The following CFAP54 variants were observed in gnomAD, a reference collection of about 807,000 sequenced individuals.
CFAP54 encodes the protein cilia and flagella associated protein 54, also known as cilia- and flagella-associated protein 54.
A neutral mutation model predicts 370.4 loss-of-function variants in CFAP54; 290 were observed. The observed-to-expected ratio is 0.78, with a 90% CI of 0.71 to 0.86. CFAP54 has a LOEUF of 0.86. Among genes scored for constraint, CFAP54 ranks in the 40% least tolerant of loss-of-function variants. CFAP54 has a pLI of 0.00. For missense variants in CFAP54, 3,399 were observed against 3,528.7 expected, an observed-to-expected ratio of 0.96 and a Z score of 0.93; for synonymous variants, 1,206 against 1,236.5, an observed-to-expected ratio of 0.98 and a Z score of 0.52.
At chr12:96,617,097 C>A (rs887658633) in intron 26 of CFAP54, among the ~76,000 whole-genome samples, 1 of 152,164 alleles carries the variant, frequency 6.6e-6, no homozygotes, top group South Asian at 2.1e-4. Flanking sequence ...TAATATTCAG[C>A]TACCTGGTCT....
chr12:96,534,207 T>TA lies in CFAP54; in HGVS notation c.1693dup (p.Ile565AsnfsTer5), dbSNP rs746202185. The TA allele has an allele frequency of 1.8e-5, 26 of 1,460,524 alleles. No individual in the cohort carries two copies. The highest frequency in any genetic ancestry group is 2.8e-5 in the African/African-American group (2 of 70,236). 90.5% of individuals were successfully genotyped at this position (1,460,524 alleles called of 1,614,324 possible). The stretch of plus-strand genomic sequence containing the variant: ...GAAGGACAGTCAACTCAAATTTATT[T>TA]AAAAAAAATTGCTGTTCATGGTAAG... On this transcript the variant is annotated frameshift_variant, in exon 11 of 68. Transcript: ENST00000524981. LOFTEE classifies it high-confidence loss of function.
chr12:96,699,135 A>G (rs975732832), intron 45 of CFAP54, among the ~76,000 whole-genome samples: 7 of 152,174 alleles, frequency 4.6e-5, no homozygotes, highest in African/African-American at 9.7e-5. Flanking sequence ...AAGGCAACCA[A>G]TCAGAGGCTA....
chr12:96,570,180 C>T (rs891548169), intron 19 of CFAP54, among the ~76,000 whole-genome samples: 11 of 151,996 alleles, frequency 7.2e-5, no homozygotes, highest in Admixed American at 4.6e-4. Flanking sequence ...TGTCATGTTG[C>T]CCAGCATGGT....
At chr12:96,538,352 C>CT (rs769290413) in intron 12 of CFAP54, 32 bp from the exon 13 acceptor site, 1 of 1,495,258 alleles carries the variant, frequency 6.7e-7, no homozygotes, top group South Asian at 1.2e-5. Context: ...TTTATTATTC[C>CT]TACTCATTTA....
chr12:96,615,683 C>G (rs1278044584), intron 26 of CFAP54, among the ~76,000 whole-genome samples: 3 of 152,120 alleles, frequency 2.0e-5, no homozygotes. Flanking sequence ...ATAAACAACC[C>G]CATCAACAAG....
intron 60 of CFAP54, among the ~76,000 whole-genome samples, chr12:96,773,898 G>A (rs891291902): frequency 6.6e-6 from 1 of 152,274 alleles, no homozygotes. Context: ...ATCAAAGGGT[G>A]ATTTCATTTG....
intron 1 of CFAP54, among the ~76,000 whole-genome samples, chr12:96,492,189 C>T (rs1196092234): frequency 3.9e-5 from 6 of 152,224 alleles, no homozygotes; most frequent in African/African-American, 1.4e-4. Flanking sequence ...CTATCCTTCA[C>T]CTAGCAGTCA....
intron 26 of CFAP54, among the ~76,000 whole-genome samples, chr12:96,601,298 G>A (rs923410829): frequency 3.3e-5 from 5 of 152,160 alleles, no homozygotes; most frequent in African/African-American, 1.2e-4. Context: ...GCATCCCAGG[G>A]ATGAAGCCCA....
intron 64 of CFAP54, among the ~76,000 whole-genome samples, chr12:96,817,459 C>T (rs1204691991): frequency 2.7e-5 from 4 of 150,796 alleles, no homozygotes; most frequent in Admixed American, 1.3e-4. Flanking sequence ...CTCGCTCTGT[C>T]GCCCAGGCTG....
intron 32 of CFAP54, among the ~76,000 whole-genome samples, chr12:96,638,811 A>G (rs1956691561): frequency 6.6e-6 from 1 of 152,158 alleles, no homozygotes; most frequent in Admixed American, 6.5e-5. Context: ...AGGCCCATCA[A>G]TACAGTGCTA....
In CFAP54 at chr12:96,589,424, T is replaced by C. The variant is rs1041163478; in HGVS notation, c.3076-3T>C. On this transcript the variant is annotated splice_region_variant and splice_polypyrimidine_tract_variant and intron_variant, in intron 22 of 67. Coordinates refer to ENST00000524981, the MANE Select transcript of CFAP54 (RefSeq NM_001306084.2). ...TTACATAAATATGTGCTTTTTGTTA[T>C]AGGTTGCCTATCAAGTTGGTAACTA... 37 of 1,524,378 alleles carry C rather than the reference T, an allele frequency of 2.4e-5. No homozygotes were observed. The highest frequency in any genetic ancestry group is 3.1e-5 in the Non-Finnish European group (35 of 1,139,398). 94.4% of individuals were successfully genotyped at this position (1,524,378 alleles called of 1,614,324 possible).
At chr12:96,612,842 C>T (rs965911614) in intron 26 of CFAP54, among the ~76,000 whole-genome samples, 1 of 152,176 alleles carries the variant, frequency 6.6e-6, no homozygotes, top group East Asian at 1.9e-4. Flanking sequence ...ATATATGCAC[C>T]CAATACAGAA....
chr12:96,783,846 A>AT (rs1958603501), intron 60 of CFAP54, among the ~76,000 whole-genome samples: 1 of 152,162 alleles, frequency 6.6e-6, no homozygotes, highest in Non-Finnish European at 1.5e-5. Flanking sequence ...AGATTGTGCC[A>AT]TTGCACTCCA....
At chr12:96,726,947 C>T (rs1295820493) in intron 50 of CFAP54, among the ~76,000 whole-genome samples, 1 of 152,196 alleles carries the variant, frequency 6.6e-6, no homozygotes, top group Non-Finnish European at 1.5e-5. Flanking sequence ...AGTAGTCATT[C>T]AGGAGCACGT....
intron 36 of CFAP54, among the ~76,000 whole-genome samples, chr12:96,656,651 G>A (rs544343132): frequency 2.3e-3 from 351 of 152,344 alleles, no homozygotes; most frequent in Non-Finnish European, 3.7e-3. Context: ...GAAATGCTGG[G>A]ATTACAGGCA....
chr12:96,823,260 C>A (rs1959053010), intron 65 of CFAP54, among the ~76,000 whole-genome samples: 1 of 152,108 alleles, frequency 6.6e-6, no homozygotes, highest in South Asian at 2.1e-4. Context: ...CTTGCATCCC[C>A]AAATATCCTG....
intron 2 of CFAP54, among the ~76,000 whole-genome samples, chr12:96,502,383 G>A (rs971096042): frequency 3.1e-5 from 3 of 96,848 alleles, no homozygotes; most frequent in Non-Finnish European, 5.7e-5. Flanking sequence ...GTAACATGGC[G>A]AAACACTGTC....
chr12:96,638,204 C>CATAT (rs1491263304), intron 32 of CFAP54, among the ~76,000 whole-genome samples: 22 of 72,082 alleles, frequency 3.1e-4, no homozygotes, highest in South Asian at 5.8e-4. Flanking sequence ...TATATATATG[C>CATAT]ATGTGTGTGT....
rs1225462913 is a variant in CFAP54, at chr12:96,772,092, A to AT, written c.8281+6881dup. Among the ~76,000 whole-genome samples, 8 of 152,102 alleles carry AT rather than the reference A, an allele frequency of 5.3e-5. No homozygotes were observed. The East Asian group carries it at 1.3e-3, about 26-fold the overall frequency. The stretch of plus-strand genomic sequence containing the variant: ...GTGTTTTTTTCTTTTAGTTTAATTC[A>AT]TTTTTTTGAATAGGTAATTTATTCT... On this transcript the variant is annotated intron_variant, in intron 60 of 67. Transcript: ENST00000524981.
Sources: allele counts gnomAD v4.1 joint callset (sites outside exome capture counted in the v4.1 genomes callset), GRCh38; gene constraint gnomAD v4.1.1; transcripts MANE v1.5; gene names NCBI Gene and HGNC (gene_info 2026-07-23, HGNC 2026-07-21).